Variants in C6orf118 observed in about 807,000 individuals in gnomAD.
C6orf118 encodes uncharacterized protein C6orf118.
A neutral mutation model predicts 50.2 loss-of-function variants in C6orf118; 50 were observed. That is an observed-to-expected ratio of 1.00 (90% confidence interval 0.79 to 1.26). The LOEUF (loss-of-function observed/expected upper bound fraction) is 1.26, where lower values mean the gene tolerates loss of function less well. C6orf118 is among the 50% of genes most tolerant of loss of function. C6orf118 has a pLI of 0.00. For synonymous variants in C6orf118, 239 were observed against 230.9 expected (o/e 1.03, Z -0.32); for missense variants, 641 against 578.7 (o/e 1.11, Z -1.10).
At chr6:165,291,127 G>A (rs1780090878) in intron 6 of C6orf118, among the ~76,000 whole-genome samples, 1 of 151,990 alleles carries the variant, frequency 6.6e-6, no homozygotes, top group Non-Finnish European at 1.5e-5. Flanking sequence ...AGGAATTATG[G>A]GAGCTACAAT....
chr6:165,302,256 C>G lies in C6orf118; in HGVS notation c.66G>C (p.Lys22Asn). ...CGCAGTGCTTCAGATTACACAGGGT[C>G]TTCACGCCTGGCGTCTCGCAGTGCT... is the stretch of plus-strand genomic sequence containing the variant. ...KWKHCETPGV[K>N]TLCNLKHCET... Residue 22 changes from lysine to asparagine, a missense_variant, in exon 2 of 9, where the codon AAG (lysine) becomes AAC (asparagine). By Grantham distance (94) the Lys-to-Asn change is moderately conservative. Coordinates refer to ENST00000230301, the MANE Select transcript of C6orf118 (RefSeq NM_144980.4). 1.2e-6 allele frequency: 2 copies of G among 1,613,922 alleles called. No homozygotes were observed. Among genetic ancestry groups the G allele is most frequent in the Non-Finnish European group, 1.7e-6 (2 of 1,179,982 alleles).
intron 5 of C6orf118, among the ~76,000 whole-genome samples, chr6:165,294,569 G>T (rs1780227058): frequency 6.6e-6 from 1 of 152,014 alleles, no homozygotes; most frequent in African/African-American, 2.4e-5. Flanking sequence ...AGAGAAATAG[G>T]GTGGTTATTA....
rs943717917 is a variant in C6orf118, at chr6:165,301,584, C to G, written c.738G>C (p.Glu246Asp). Residue 246 changes from glutamate (E) to aspartate (D), a missense_variant, in exon 2 of 9, where the codon GAG becomes GAC. Physicochemically the swap from Glu to Asp is conservative, Grantham distance 45. Transcript: ENST00000230301. ...CCCTCCTCACCTGCTGCAGCTTTCT[C>G]TCGTGGCCCGCGGCCGCCTTGCTCC... Reference protein sequence around the residue: ...FTGSKAAAGHERKLQQELQKI... With the variant: ...FTGSKAAAGHDRKLQQELQKI... The G allele has an allele frequency of 6.2e-7, 1 of 1,612,594 alleles. No homozygotes were observed. Among genetic ancestry groups the G allele is most frequent in the Non-Finnish European group, 8.5e-7 (1 of 1,179,392 alleles).
At chr6:165,280,592 C>G (rs528491198) in intron 8 of C6orf118, among the ~76,000 whole-genome samples, 1 of 152,258 alleles carries the variant, frequency 6.6e-6, no homozygotes, top group East Asian at 1.9e-4. Context: ...ATGTTCTGGC[C>G]TCTCTTACGG....
intron 6 of C6orf118, chr6:165,293,194 G>A (rs1780165061): frequency 7.8e-6 from 4 of 511,366 alleles, no homozygotes; most frequent in East Asian, 3.0e-5. Flanking sequence ...TTCCTCACAT[G>A]TAATAATGAA....
chr6:165,300,011 A>G (rs1427009888), intron 3 of C6orf118, among the ~76,000 whole-genome samples: 1 of 152,216 alleles, frequency 6.6e-6, no homozygotes, highest in Admixed American at 6.5e-5. Flanking sequence ...ATTGCAACAA[A>G]CCTATAATTC....
chr6:165,307,576 T>G (rs893926882), intron 1 of C6orf118, among the ~76,000 whole-genome samples: 13 of 152,028 alleles, frequency 8.6e-5, no homozygotes. Context: ...AAAATTTTTT[T>G]TAATCACTGT....
intron 3 of C6orf118, 104 bp downstream of exon 3, chr6:165,300,260 G>T: frequency 1.5e-6 from 2 of 1,351,306 alleles, no homozygotes; most frequent in South Asian, 1.3e-5. Context: ...GTAGAAGGGG[G>T]CCTGTGATAC....
intron 7 of C6orf118, among the ~76,000 whole-genome samples, chr6:165,285,510 A>G: frequency 6.6e-6 from 1 of 152,168 alleles, no homozygotes; most frequent in South Asian, 2.1e-4. Context: ...TCTTCTCAGT[A>G]CCACATGGCA....
At chr6:165,300,050 T>A (rs1780460584) in intron 3 of C6orf118, among the ~76,000 whole-genome samples, 1 of 152,194 alleles carries the variant, frequency 6.6e-6, no homozygotes, top group Non-Finnish European at 1.5e-5. Flanking sequence ...ATTACACATG[T>A]AAAGTTAAAT....
At position 165,302,022 on chromosome 6, in the gene C6orf118, C is replaced by G. The variant is rs1484186921; in HGVS notation, c.300G>C (p.Gly100=). The G allele has an allele frequency of 6.2e-7, 1 of 1,613,536 alleles. No individual in the cohort carries two copies. The highest frequency in any genetic ancestry group is 1.3e-5 in the African/African-American group (1 of 75,012). ...RASEVGEPPA[G]KVARMKEALA... Reference sequence around the variant, plus strand: ...GGGCCTCCTTCATCCTCGCCACCTTCCCTGCGGGCGGCTCTCCCACCTCAG... The same window carrying G: ...GGGCCTCCTTCATCCTCGCCACCTTGCCTGCGGGCGGCTCTCCCACCTCAG... The change falls in exon 2 of 9, where the codon GGG becomes GGC. Residue 100 remains glycine, a synonymous_variant. Transcript: ENST00000230301.
chr6:165,285,109 G>A (rs572420318), intron 7 of C6orf118, among the ~76,000 whole-genome samples: 1 of 152,256 alleles, frequency 6.6e-6, no homozygotes, highest in South Asian at 2.1e-4. Flanking sequence ...CAAAATAAAG[G>A]AGTGGAGGAT....
chr6:165,301,249 G>A (rs1463854500), intron 2 of C6orf118, among the ~76,000 whole-genome samples: 2 of 151,986 alleles, frequency 1.3e-5, no homozygotes, highest in Admixed American at 6.6e-5. Flanking sequence ...GCTCACCGTC[G>A]TGGCTGTCCC....
Position 165,279,865 on chromosome 6 carries a change from A to C in C6orf118, c.*192T>G, listed in dbSNP as rs1225020115. 2.1e-6 allele frequency: 1 copy of C among 476,780 alleles called. No homozygotes were observed. Among genetic ancestry groups the C allele is most frequent in the Admixed American group, 4.2e-5 (1 of 24,040 alleles). 29.5% of individuals were successfully genotyped at this position (476,780 alleles called of 1,614,324 possible). A position where few individuals can be genotyped will look rare whatever the true frequency, so the allele number is the denominator to read the frequency against. ...ATTGTTGTAAATATGTATGCAACAG[A>C]AACTAATCATGTGTACGCATGTGTG... On this transcript the variant is annotated 3_prime_UTR_variant, in exon 9 of 9. Coordinates refer to ENST00000230301, the MANE Select transcript of C6orf118 (RefSeq NM_144980.4).
At chr6:165,284,915 C>T (rs1380317140) in intron 7 of C6orf118, among the ~76,000 whole-genome samples, 2 of 152,034 alleles carry the variant, frequency 1.3e-5, no homozygotes, top group Non-Finnish European at 2.9e-5. Context: ...AGCAGGTGTG[C>T]AAAATAACCA....
At chr6:165,292,058 A>G (rs1583010088) in intron 6 of C6orf118, among the ~76,000 whole-genome samples, 1 of 152,292 alleles carries the variant, frequency 6.6e-6, no homozygotes, top group East Asian at 1.9e-4. Context: ...GTCATAGTTA[A>G]GCTTCTACAC....
chr6:165,299,557 G>C, intron 3 of C6orf118, 55 bp from the exon 4 acceptor site: 3 of 1,331,928 alleles, frequency 2.3e-6, no homozygotes, highest in Non-Finnish European at 3.2e-6. Context: ...CCACAGTGCA[G>C]GTGTTTCACG....
chr6:165,293,880 G>A (rs569562481), intron 5 of C6orf118, among the ~76,000 whole-genome samples: 23 of 152,214 alleles, frequency 1.5e-4, no homozygotes, highest in Middle Eastern at 3.4e-3. Flanking sequence ...TGAAATACAC[G>A]GCATCTTTCC....
chr6:165,280,153 T>A (rs755401344), intron 8 of C6orf118, 43 bp from the exon 9 acceptor site: 9 of 1,354,958 alleles, frequency 6.6e-6, no homozygotes, highest in Non-Finnish European at 9.2e-6. Context: ...TAGAAAAAAA[T>A]ACATTAAGCA....
Sources: gnomAD v4.1 joint callset for allele counts (sites outside exome capture counted in the v4.1 genomes callset) on GRCh38, gnomAD v4.1.1 for gene constraint, MANE v1.5 for transcripts, NCBI Gene and HGNC (gene_info 2026-07-23, HGNC 2026-07-21) for gene names.